The following AGRN variants were observed in gnomAD, a reference collection of about 807,000 sequenced individuals.
AGRN encodes the protein agrin proteoglycan.
In AGRN, 106 loss-of-function variants were observed where a neutral mutation model predicts 211.0. The ratio of observed to expected loss-of-function variants is 0.50; its 90% confidence interval spans 0.43 to 0.59. AGRN has a LOEUF of 0.59. Ranked by LOEUF, AGRN falls within the 20% of genes least tolerant of loss-of-function variation. AGRN has a pLI of 0.00. For missense variants in AGRN, 3,040 were observed against 2,982.6 expected, an observed-to-expected ratio of 1.02 and a Z score of -0.45; for synonymous variants, 1,525 against 1,332.5, an observed-to-expected ratio of 1.14 and a Z score of -3.15.
At chr1:1,044,081 T>C (rs758091693) in intron 10 of AGRN, 28 bp from the exon 11 acceptor site, 3 of 1,613,056 alleles carry the variant, frequency 1.9e-6, no homozygotes, top group East Asian at 4.5e-5. Context: ...AAGAAGCCCC[T>C]GGGTGACTCT....
In AGRN at chr1:1,041,747, G is replaced by A. The variant is rs752311914; in HGVS notation, c.1177+45G>A. On this transcript the variant is annotated intron_variant, in intron 6 of 35. Coordinates refer to ENST00000379370, the MANE Select transcript of AGRN (RefSeq NM_198576.4). ...GAGGGCTCCGGCCAGTGCCAGGGTC[G>A]AGGTGGGCGGCTCCCCCGGGGGAGG... 5 of 1,525,438 alleles carry A rather than the reference G, an allele frequency of 3.3e-6. No homozygotes were observed. In the Admixed American group the frequency reaches 5.8e-5, roughly 18 times the overall value. The allele number at this position is 1,525,438 out of a possible 1,614,324, so 94.5% of individuals were successfully genotyped here.
At position 1,051,240 on chromosome 1, in the gene AGRN, G is replaced by T. The variant is rs765716714; in HGVS notation, c.5254-13G>T. On this transcript the variant is annotated splice_polypyrimidine_tract_variant and intron_variant, in intron 30 of 35. Coordinates refer to ENST00000379370, the MANE Select transcript of AGRN (RefSeq NM_198576.4). ...GTGGGCTCTGCACAGCCACTTACCT[G>T]GCGTCCCCGCAGGTTCCGCACACCG... The T allele has an allele frequency of 6.3e-7, 1 of 1,580,140 alleles. No homozygotes were observed. Among genetic ancestry groups the T allele is most frequent in the South Asian group, 1.2e-5 (1 of 86,346 alleles).
Position 1,050,771 on chromosome 1 carries a change from G to A in AGRN, c.5187G>A (p.Leu1729=), listed in dbSNP as rs1441920736. ...VTLGAWTRVS[L]ERNGRKGALR... is the part of the protein sequence containing the mutation. ...TGGGAGCCTGGACCAGGGTCTCACT[G>A]GAGCGAAACGGCCGCAAGGGTGCCC... is the stretch of plus-strand genomic sequence containing the variant. Residue 1729 remains leucine (L), a synonymous_variant, in exon 30 of 36, where the codon CTG becomes CTA. Coordinates refer to ENST00000379370, the MANE Select transcript of AGRN (RefSeq NM_198576.4). 1.2e-6 allele frequency: 2 copies of A among 1,603,010 alleles called. No individual in the cohort carries two copies. Among genetic ancestry groups the A allele is most frequent in the African/African-American group, 1.3e-5 (1 of 74,798 alleles).
At chr1:1,039,634 C>T (rs1179194423) in intron 3 of AGRN, among the ~76,000 whole-genome samples, 4 of 152,154 alleles carry the variant, frequency 2.6e-5, no homozygotes, top group African/African-American at 9.7e-5. Context: ...TTTAACGTGC[C>T]TGAGGCAGCT....
At position 1,040,892 on chromosome 1, in the gene AGRN, G is replaced by A; in HGVS notation, c.727+12G>A. The stretch of plus-strand genomic sequence containing the variant: ...CCGCGGGCCGTGCGGTGAGCGGGGC[G>A]GGGCCGGTGCCTGGGGCGGGGAGGG... On this transcript the variant is annotated intron_variant, in intron 4 of 35. Coordinates refer to ENST00000379370, the MANE Select transcript of AGRN (RefSeq NM_198576.4). The A allele has an allele frequency of 6.8e-7, 1 of 1,464,034 alleles. No individual in the cohort carries two copies. Among genetic ancestry groups the A allele is most frequent in the African/African-American group, 1.5e-5 (1 of 66,374 alleles). The allele number at this position is 1,464,034 out of a possible 1,614,324, so 90.7% of individuals were successfully genotyped here. A position where few individuals can be genotyped will look rare whatever the true frequency, so the allele number is the denominator to read the frequency against.
chr1:1,020,672 G>A (rs1644377601), intron 1 of AGRN, among the ~76,000 whole-genome samples: 1 of 140,946 alleles, frequency 7.1e-6, no homozygotes, highest in Admixed American at 6.9e-5. Flanking sequence ...GAAGGAGAGG[G>A]GCCTGGGGAG....
At position 1,044,436 on chromosome 1, in the gene AGRN, C is replaced by T. The variant is rs1422428630; in HGVS notation, c.2251C>T (p.Arg751Ter). 3.7e-6 allele frequency: 6 copies of T among 1,605,950 alleles called. No homozygotes were observed. The highest frequency in any genetic ancestry group is 1.3e-5 in the African/African-American group (1 of 74,728). ...CTACGTAGCGGCCCAGGGAGCCTGC[C>T]GAGGTGAGCCGGCTGCACGTGGGGT... ...GLYVAAQGAC[R>*]GPTFAPLPPV... The change falls in exon 12 of 36, where the codon CGA becomes TGA. Residue 751 changes from arginine (R) to a stop codon, truncating the protein, a stop_gained. Coordinates refer to ENST00000379370, the MANE Select transcript of AGRN (RefSeq NM_198576.4). LOFTEE classifies it high-confidence loss of function.
intron 2 of AGRN, among the ~76,000 whole-genome samples, chr1:1,024,225 C>T (rs978931898): frequency 1.3e-5 from 2 of 152,054 alleles, no homozygotes; most frequent in Non-Finnish European, 2.9e-5. Flanking sequence ...TCCCAGAAGC[C>T]TGGGGTGAGC....
Position 1,047,023 on chromosome 1 carries a change from C to T in AGRN, c.3388+66C>T, listed in dbSNP as rs147362722. 0.018 allele frequency: 27,427 copies of T among 1,546,478 alleles called. 306 individuals are homozygous for T. Among genetic ancestry groups the T allele is most frequent in the Non-Finnish European group, 0.021 (23,618 of 1,145,518 alleles). On this transcript the variant is annotated intron_variant, in intron 19 of 35. Transcript: ENST00000379370. ...GGGCTCGGCCGAGGTGCTGCCCCCT[C>T]GCCTGGGCAGCAGGTCAGTGCCGGG... is the stretch of plus-strand genomic sequence containing the variant.
intron 2 of AGRN, among the ~76,000 whole-genome samples, chr1:1,026,840 G>A (rs571448686): frequency 1.3e-5 from 2 of 152,330 alleles, no homozygotes; most frequent in East Asian, 1.9e-4. Flanking sequence ...ATGGACAGTC[G>A]CCCGCTGGAG....
rs1402900772 is a variant in AGRN at position 1,046,177 on chromosome 1, A to C, written c.2823A>C (p.Gly941=). The C allele has an allele frequency of 1.2e-6, 2 of 1,613,658 alleles. No homozygotes were observed. The highest frequency in any genetic ancestry group is 4.5e-5 in the East Asian group (2 of 44,882). ...TGCCCCAGGTCTGTGGGTCAGATGG[A>C]GTCACATACGGCAACGAGTGTCAGC... The part of the protein sequence containing the change: ...ANATKVCGSD[G]VTYGNECQLK... Residue 941 remains glycine, a synonymous_variant, in exon 17 of 36, where the codon GGA becomes GGC. Transcript: ENST00000379370.
chr1:1,046,009 G>A lies in AGRN; in HGVS notation c.2726G>A (p.Gly909Asp), dbSNP rs1477955178. Residue 909 changes from glycine (G) to aspartate (D), a missense_variant, in exon 16 of 36, where the codon GGT becomes GAT. By Grantham distance (94) the Gly-to-Asp change is moderately conservative. This residue lies in a region of AGRN where 1,498 missense variants were observed against 1,457.8 expected (regional missense o/e 1.03). Transcript: ENST00000379370. ...ATCAEMRCEF[G>D]ARCVEESGSA... ...TGTGCGGAGATGCGCTGTGAGTTCG[G>A]TGCGCGGTGCGTGGAGGAGTCTGGC... 6.2e-6 allele frequency: 10 copies of A among 1,613,878 alleles called. No homozygotes were observed. Among genetic ancestry groups the A allele is most frequent in the African/African-American group, 1.3e-5 (1 of 74,934 alleles).
In AGRN at chr1:1,047,631, G is replaced by A. The variant is rs200339732; in HGVS notation, c.3575G>A (p.Arg1192Gln). The change falls in exon 21 of 36, where the codon CGG becomes CAG. Residue 1192 changes from arginine to glutamine, a missense_variant. Arg to Gln is a conservative substitution (Grantham distance 43). Coordinates refer to ENST00000379370, the MANE Select transcript of AGRN (RefSeq NM_198576.4). Reference protein sequence around the residue: ...VKKDFRSVRLRDLGPGKSVRA... With the variant: ...VKKDFRSVRLQDLGPGKSVRA... ...AAGGATTTTCGGAGTGTCCGCTTGC[G>A]GGACCTGGGGCCCGGCAAATCCGTC... 1,158 of 1,613,046 alleles carry A rather than the reference G, an allele frequency of 7.2e-4. No homozygotes were observed. Among genetic ancestry groups the A allele is most frequent in the Non-Finnish European group, 9.0e-4 (1,057 of 1,180,006 alleles).
chr1:1,044,083 G>C (rs1206379657), intron 10 of AGRN, 26 bp from the exon 11 acceptor site: 1 of 1,613,040 alleles, frequency 6.2e-7, no homozygotes, highest in South Asian at 1.1e-5. Flanking sequence ...GAAGCCCCTG[G>C]GTGACTCTGC....
rs1645027428 is a variant in AGRN, at chr1:1,044,192, G to T, written c.2083G>T (p.Asp695Tyr). ...GTGCCGGCAGCGCGGTGGCATCTGG[G>T]ACGAGGACTCGGAGGACGGGCCGTG... Reference protein sequence around the residue: ...ELCRQRGGIWDEDSEDGPCVC... With the variant: ...ELCRQRGGIWYEDSEDGPCVC... The change falls in exon 11 of 36, where the codon GAC becomes TAC. Residue 695 changes from aspartate to tyrosine, a missense_variant. By Grantham distance (160) the Asp-to-Tyr change is radical (BLOSUM62 -3). Transcript: ENST00000379370. 6.2e-7 allele frequency: 1 copy of T among 1,613,220 alleles called. No individual in the cohort carries two copies. Among genetic ancestry groups the T allele is most frequent in the Non-Finnish European group, 8.5e-7 (1 of 1,179,914 alleles).
rs1350793119 is a variant in AGRN, at chr1:1,050,454, C to T, written c.5004C>T (p.Phe1668=). 6.2e-6 allele frequency: 10 copies of T among 1,612,838 alleles called. No homozygotes were observed. Among genetic ancestry groups the T allele is most frequent in the African/African-American group, 2.7e-5 (2 of 74,894 alleles). The change falls in exon 29 of 36, where the codon TTC becomes TTT. Residue 1668 remains phenylalanine (F), a synonymous_variant. Transcript: ENST00000379370. ...LGEKMALEVV[F]LARGPSGLLL... The stretch of plus-strand genomic sequence containing the variant: ...AGAAGATGGCGCTGGAGGTCGTGTT[C>T]CTGGCACGAGGCCCCAGCGGCCTCC...
intron 2 of AGRN, among the ~76,000 whole-genome samples, chr1:1,033,368 C>T (rs1266190745): frequency 1.3e-5 from 2 of 151,734 alleles, no homozygotes; most frequent in African/African-American, 2.4e-5. Context: ...GGCACACGCA[C>T]GACGACGCGC....
Position 1,022,473 on chromosome 1 carries a change from G to C in AGRN, c.463+11G>C, listed in dbSNP as rs1321159507. On this transcript the variant is annotated intron_variant, in intron 2 of 35. Transcript: ENST00000379370. ...AGTTCTGTGTGGAAGGTGCGTGGTGGGGGGCTCGTGTGGGGGCCTGTGGGG... is the reference window on the plus strand; with the variant it reads ...AGTTCTGTGTGGAAGGTGCGTGGTGCGGGGCTCGTGTGGGGGCCTGTGGGG... The C allele has an allele frequency of 6.2e-7, 1 of 1,601,606 alleles. No individual in the cohort carries two copies. Among genetic ancestry groups the C allele is most frequent in the Non-Finnish European group, 8.5e-7 (1 of 1,172,252 alleles).
intron 2 of AGRN, among the ~76,000 whole-genome samples, 196 bp downstream of exon 2, chr1:1,022,658 A>G (rs1213407340): frequency 3.3e-5 from 5 of 152,100 alleles, no homozygotes; most frequent in Non-Finnish European, 5.9e-5. Context: ...CTCACATTAG[A>G]CATCTTTGGC....
Sources: gnomAD v4.1 joint callset for allele counts (sites outside exome capture counted in the v4.1 genomes callset) on GRCh38, gnomAD v4.1.1 for gene constraint, gnomAD v4.1.1 regional missense constraint, MANE v1.5 for transcripts, NCBI Gene and HGNC (gene_info 2026-07-23, HGNC 2026-07-21) for gene names.